CRPPA: variants seen among roughly 807,000 people sequenced by gnomAD.
CRPPA encodes D-ribitol-5-phosphate cytidylyltransferase.
In CRPPA, 43 loss-of-function variants were observed where a neutral mutation model predicts 52.0. The observed-to-expected ratio is 0.83, with a 90% CI of 0.65 to 1.07. The LOEUF is 1.07. Among genes scored for constraint, CRPPA ranks in the 50% least tolerant of loss-of-function variants. CRPPA has a pLI of 0.00. For synonymous variants in CRPPA, 250 were observed against 203.5 expected (o/e 1.23, Z -1.94); for missense variants, 629 against 551.7 (o/e 1.14, Z -1.40).
intron 9 of CRPPA, among the ~76,000 whole-genome samples, chr7:16,126,811 A>G (rs568552316): frequency 7.2e-5 from 11 of 152,274 alleles, no homozygotes; most frequent in African/African-American, 2.6e-4. Flanking sequence ...AATGACTGAT[A>G]ACTTACATGA....
At chr7:16,370,805 C>T (rs531738018) in intron 3 of CRPPA, among the ~76,000 whole-genome samples, 3 of 152,260 alleles carry the variant, frequency 2.0e-5, no homozygotes, top group African/African-American at 7.2e-5. Flanking sequence ...ATACACCACA[C>T]TGCAGACACA....
intron 1 of CRPPA, among the ~76,000 whole-genome samples, chr7:16,409,701 C>T (rs1470730363): frequency 2.0e-5 from 3 of 152,234 alleles, no homozygotes; most frequent in Non-Finnish European, 4.4e-5. Flanking sequence ...AATACTTCTA[C>T]ACGATCTCTC....
At chr7:16,232,992 A>T (rs1352805458) in intron 8 of CRPPA, among the ~76,000 whole-genome samples, 1 of 152,164 alleles carries the variant, frequency 6.6e-6, no homozygotes, top group African/African-American at 2.4e-5. Flanking sequence ...TTAAGCACAG[A>T]TGTAAAATAG....
chr7:16,216,043 C>A (rs376477998), intron 9 of CRPPA, 23 bp downstream of exon 9: 3 of 1,548,590 alleles, frequency 1.9e-6, no homozygotes, highest in South Asian at 1.2e-5. Flanking sequence ...AACATACATT[C>A]GGAAGATAAA....
intron 3 of CRPPA, among the ~76,000 whole-genome samples, chr7:16,308,985 ATATCT>A (rs2128424799): frequency 1.3e-5 from 2 of 152,330 alleles, no homozygotes; most frequent in Admixed American, 1.3e-4. Flanking sequence ...GAGGATTATC[ATATCT>A]TAACTGTTGA....
At chr7:16,296,034 T>C (rs1784667814) in intron 5 of CRPPA, among the ~76,000 whole-genome samples, 1 of 152,186 alleles carries the variant, frequency 6.6e-6, no homozygotes, top group Non-Finnish European at 1.5e-5. Context: ...ACGAATACTT[T>C]TTTATACAGT....
At chr7:16,124,467 T>C (rs141752111) in intron 9 of CRPPA, among the ~76,000 whole-genome samples, 32 of 152,312 alleles carry the variant, frequency 2.1e-4, no homozygotes, top group Non-Finnish European at 3.7e-4. Context: ...TTAAGTGGAA[T>C]AAGTCAGGCA....
chr7:16,358,814 A>C (rs1786370439), intron 3 of CRPPA, among the ~76,000 whole-genome samples: 1 of 152,230 alleles, frequency 6.6e-6, no homozygotes, highest in South Asian at 2.1e-4. Flanking sequence ...AAAGCATTCA[A>C]AATGACTCTT....
At chr7:16,254,792 GGAAAGAAAGAAAGAAAGAAAGAAAGAAA>G (rs56908194) in intron 8 of CRPPA, among the ~76,000 whole-genome samples, 15 of 101,758 alleles carry the variant, frequency 1.5e-4, no homozygotes, top group East Asian at 6.1e-4. Flanking sequence ...AAAGAAAGAA[GGAAAGAAAGAAAGAAAGAAAGAAAGAAA>G]GAAAGAAAGA....
At chr7:16,137,393 C>G (rs1240395982) in intron 9 of CRPPA, among the ~76,000 whole-genome samples, 1 of 152,098 alleles carries the variant, frequency 6.6e-6, no homozygotes, top group Non-Finnish European at 1.5e-5. Flanking sequence ...CCCGAAAAGA[C>G]TAAGACACCT....
intron 1 of CRPPA, among the ~76,000 whole-genome samples, chr7:16,413,619 T>G (rs1308815688): frequency 6.6e-6 from 1 of 152,244 alleles, no homozygotes; most frequent in African/African-American, 2.4e-5. Context: ...GGACTAACAT[T>G]TATATCTTTA....
intron 9 of CRPPA, among the ~76,000 whole-genome samples, chr7:16,110,426 A>C (rs1180675523): frequency 6.6e-6 from 1 of 152,130 alleles, no homozygotes; most frequent in African/African-American, 2.4e-5. Context: ...AAATATTGTT[A>C]AGTTCATATG....
At chr7:16,177,809 T>G (rs1781332488) in intron 9 of CRPPA, among the ~76,000 whole-genome samples, 1 of 152,086 alleles carries the variant, frequency 6.6e-6, no homozygotes, top group African/African-American at 2.4e-5. Flanking sequence ...CATTATCATT[T>G]TATAAAACCA....
chr7:16,299,067 T>A (rs1784733988), intron 5 of CRPPA, among the ~76,000 whole-genome samples: 1 of 152,210 alleles, frequency 6.6e-6, no homozygotes, highest in African/African-American at 2.4e-5. Context: ...ATGCATCTTA[T>A]CTATATCTCT....
chr7:16,093,030 T>A (rs1419483498), intron 9 of CRPPA, among the ~76,000 whole-genome samples: 1 of 152,212 alleles, frequency 6.6e-6, no homozygotes, highest in Non-Finnish European at 1.5e-5. Context: ...AAATCTACCC[T>A]GACTCTATCC....
chr7:16,193,833 A>G (rs779100484), intron 9 of CRPPA, among the ~76,000 whole-genome samples: 1 of 152,116 alleles, frequency 6.6e-6, no homozygotes, highest in Non-Finnish European at 1.5e-5. Flanking sequence ...CAGTGTAAAC[A>G]GGGCCAATTC....
chr7:16,380,713 A>T lies in CRPPA; in HGVS notation c.535-4472T>A, dbSNP rs567740997. On this transcript the variant is annotated intron_variant, in intron 2 of 9. Coordinates refer to ENST00000407010, the MANE Select transcript of CRPPA (RefSeq NM_001101426.4). ...GCGATTCAACTTCTTCCTGGTTTAG[A>T]CTTGGGAGGGTGTATGTGTCGAGGA... Among the ~76,000 whole-genome samples the T allele has an allele frequency of 2.0e-5, 3 of 152,102 alleles. No individual in the cohort carries two copies. In the East Asian group the frequency reaches 5.8e-4, roughly 29 times the overall value.
In CRPPA at chr7:16,263,582, G is replaced by T. The variant is rs186539523; in HGVS notation, c.934-4570C>A. Among the ~76,000 whole-genome samples, 100 of 152,058 alleles carry T rather than the reference G, an allele frequency of 6.6e-4. 1 individual carries two copies. In the East Asian group the frequency reaches 0.016, roughly 24 times the overall value. On this transcript the variant is annotated intron_variant, in intron 6 of 9. Coordinates refer to ENST00000407010, the MANE Select transcript of CRPPA (RefSeq NM_001101426.4). The stretch of plus-strand genomic sequence containing the variant: ...GCCTGGCCAAGATGGTGAAACCCCC[G>T]TCTCTACTAAAAATACAAATATTAG...
chr7:16,398,254 C>T (rs1217273098), intron 2 of CRPPA, among the ~76,000 whole-genome samples: 1 of 151,896 alleles, frequency 6.6e-6, no homozygotes, highest in East Asian at 1.9e-4. Flanking sequence ...CAACACGTGA[C>T]TCACACGTGA....
Sources: allele counts gnomAD v4.1 joint callset (sites outside exome capture counted in the v4.1 genomes callset), GRCh38; gene constraint gnomAD v4.1.1; transcripts MANE v1.5; gene names NCBI Gene and HGNC (gene_info 2026-07-23, HGNC 2026-07-21).